The following RPA3 variants were observed in gnomAD, a reference collection of about 807,000 sequenced individuals.
RPA3 encodes the protein replication protein A 14 kDa subunit.
In RPA3, 24 loss-of-function variants were observed where a neutral mutation model predicts 13.7. The ratio of observed to expected loss-of-function variants is 1.75; its 90% CI spans 1.27 to 2.46. RPA3 has a LOEUF of 2.46. Ranked by LOEUF, RPA3 falls within the 30% of genes most tolerant of loss-of-function variation. The pLI, the probability that RPA3 is intolerant of heterozygous loss-of-function variation, is 0.00. For synonymous variants in RPA3, 59 were observed against 51.2 expected (o/e 1.15, Z -0.65); for missense variants, 183 against 151.0 (o/e 1.21, Z -1.11).
At position 7,714,616 on chromosome 7, in the gene RPA3, T is replaced by C. The variant is rs566489580; in HGVS notation, c.-1028+559A>G. On this transcript the variant is annotated intron_variant, in intron 2 of 7. Coordinates refer to ENST00000223129, the MANE Select transcript of RPA3 (RefSeq NM_002947.5). ...TAAATATCTTTAAATTCTCATTTGC[T>C]TTAAAACAGTTGGAGGTTGTGTACA... Among the ~76,000 whole-genome samples, 6 of 152,312 alleles carry C rather than the reference T, an allele frequency of 3.9e-5. No homozygotes were observed. The South Asian group carries it at 1.2e-3, about 32-fold the overall frequency.
At chr7:7,716,667 C>T (rs1780912724) in intron 1 of RPA3, among the ~76,000 whole-genome samples, 1 of 152,218 alleles carries the variant, frequency 6.6e-6, no homozygotes, top group East Asian at 1.9e-4. Context: ...GCCGGCGCGG[C>T]CGGCGCGGTG....
Position 7,679,845 on chromosome 7 carries a change from G to A in RPA3, c.-758+5985C>T, listed in dbSNP as rs866134226. On this transcript the variant is annotated intron_variant, in intron 4 of 7. Coordinates refer to ENST00000223129, the MANE Select transcript of RPA3 (RefSeq NM_002947.5). The stretch of plus-strand genomic sequence containing the variant: ...CTCCCAAAGTGCTGGGATTACAGGC[G>A]TGAGCTGCTATGCCTGGCCTGCCCA... Among the ~76,000 whole-genome samples the A allele has an allele frequency of 2.0e-5, 3 of 151,282 alleles. No homozygotes were observed. The Admixed American group carries it at 2.0e-4, about 10-fold the overall frequency.
chr7:7,714,644 G>A (rs989612308), intron 2 of RPA3, among the ~76,000 whole-genome samples: 1 of 152,040 alleles, frequency 6.6e-6, no homozygotes, highest in Non-Finnish European at 1.5e-5. Flanking sequence ...TGTGTACAAT[G>A]TATTATATGT....
intron 4 of RPA3, among the ~76,000 whole-genome samples, chr7:7,669,329 C>T (rs904340969): frequency 8.5e-5 from 13 of 152,212 alleles, no homozygotes; most frequent in Admixed American, 3.9e-4. Context: ...TTCCCCTTCG[C>T]CTTTCCAGTT....
In RPA3 at chr7:7,640,408, A is replaced by C; in HGVS notation, c.11T>G (p.Met4Arg). The change falls in exon 5 of 8, where the codon ATG (methionine) becomes AGG (arginine). Residue 4 changes from methionine (M) to arginine (R), a missense_variant. Met to Arg is a moderately conservative substitution (Grantham distance 91). Coordinates refer to ENST00000223129, the MANE Select transcript of RPA3 (RefSeq NM_002947.5). MVD[M>R]MDLPRSRINA... The stretch of plus-strand genomic sequence containing the variant: ...GATGCGCGACCTGGGCAAGTCCATC[A>C]TGTCCACCATGATTATGGTCCAAGA... The C allele has an allele frequency of 6.2e-7, 1 of 1,614,028 alleles. No homozygotes were observed. The highest frequency in any genetic ancestry group is 1.1e-5 in the South Asian group (1 of 91,082).
rs184474456 is a variant in RPA3, at chr7:7,667,926, C to T, written c.-758+17904G>A. On this transcript the variant is annotated intron_variant, in intron 4 of 7. Transcript: ENST00000223129. ...CAATACTTAACCTAGTTTTTCACTT[C>T]AGTTCTTTTTTGTTCATTTAACACA... Among the ~76,000 whole-genome samples, 14 of 152,138 alleles carry T rather than the reference C, an allele frequency of 9.2e-5. No homozygotes were observed. The East Asian group carries it at 2.7e-3, about 29-fold the overall frequency.
chr7:7,716,234 C>T (rs1780899130), intron 1 of RPA3, among the ~76,000 whole-genome samples: 1 of 152,082 alleles, frequency 6.6e-6, no homozygotes, highest in Non-Finnish European at 1.5e-5. Flanking sequence ...TATTGAATAA[C>T]AGCTTGAATC....
At chr7:7,717,137 A>G (rs141725241) in intron 1 of RPA3, among the ~76,000 whole-genome samples, 21,325 of 148,760 alleles carry the variant, frequency 0.14, 1,876 homozygotes, top group Middle Eastern at 0.2. Flanking sequence ...GCTCACTGCA[A>G]CCTCCGTCTC....
At chr7:7,671,345 T>A (rs375601788) in intron 4 of RPA3, among the ~76,000 whole-genome samples, 2 of 152,182 alleles carry the variant, frequency 1.3e-5, no homozygotes, top group Non-Finnish European at 2.9e-5. Flanking sequence ...AAGGCTTCAG[T>A]TGGAGACCCA....
intron 4 of RPA3, among the ~76,000 whole-genome samples, chr7:7,652,077 A>G (rs755219029): frequency 2.6e-5 from 4 of 152,196 alleles, no homozygotes; most frequent in Non-Finnish European, 2.9e-5. Flanking sequence ...GTCTCCATGC[A>G]GTGGGATGTC....
intron 4 of RPA3, among the ~76,000 whole-genome samples, chr7:7,656,942 AG>A (rs1785358055): frequency 6.6e-6 from 1 of 152,230 alleles, no homozygotes; most frequent in African/African-American, 2.4e-5. Context: ...CAGTGTTAAA[AG>A]CCTTCCTATT....
At chr7:7,644,463 T>C (rs1194727710) in intron 4 of RPA3, among the ~76,000 whole-genome samples, 1 of 152,162 alleles carries the variant, frequency 6.6e-6, no homozygotes, top group Non-Finnish European at 1.5e-5. Context: ...AATTCTTTGA[T>C]ACATCGTACT....
At chr7:7,644,822 T>C (rs1359741801) in intron 4 of RPA3, among the ~76,000 whole-genome samples, 1 of 152,226 alleles carries the variant, frequency 6.6e-6, no homozygotes, top group Non-Finnish European at 1.5e-5. Flanking sequence ...TGCTCTTCTG[T>C]ATAGAATGTA....
At chr7:7,664,592 T>C (rs1462283271) in intron 4 of RPA3, among the ~76,000 whole-genome samples, 1 of 152,238 alleles carries the variant, frequency 6.6e-6, no homozygotes, top group African/African-American at 2.4e-5. Context: ...CCCACTATGC[T>C]TTTTGTTCAT....
Position 7,667,903 on chromosome 7 carries a change from A to G in RPA3, c.-758+17927T>C, listed in dbSNP as rs28916012. Among the ~76,000 whole-genome samples the G allele has an allele frequency of 2.4e-4, 36 of 152,222 alleles. No individual in the cohort carries two copies. The East Asian group carries it at 6.8e-3, about 29-fold the overall frequency. Reference sequence around the variant, plus strand: ...CTACTAGCTATGTAAACTTGGACCAATACTTAACCTAGTTTTTCACTTCAG... The same window carrying G: ...CTACTAGCTATGTAAACTTGGACCAGTACTTAACCTAGTTTTTCACTTCAG... On this transcript the variant is annotated intron_variant, in intron 4 of 7. Coordinates refer to ENST00000223129, the MANE Select transcript of RPA3 (RefSeq NM_002947.5).
At chr7:7,695,777 G>A (rs1307136794) in intron 2 of RPA3, among the ~76,000 whole-genome samples, 1 of 152,162 alleles carries the variant, frequency 6.6e-6, no homozygotes, top group African/African-American at 2.4e-5. Context: ...CTGTCAATGT[G>A]TCACCTTTAG....
At chr7:7,705,615 G>C (rs1376406760) in intron 2 of RPA3, among the ~76,000 whole-genome samples, 1 of 152,128 alleles carries the variant, frequency 6.6e-6, no homozygotes, top group African/African-American at 2.4e-5. Context: ...TAATGAATTA[G>C]AGTTCAAGAT....
At chr7:7,672,244 C>G (rs1779624488) in intron 4 of RPA3, among the ~76,000 whole-genome samples, 1 of 152,148 alleles carries the variant, frequency 6.6e-6, no homozygotes, top group South Asian at 2.1e-4. Context: ...CCTCAGAATC[C>G]TATGTGTCCT....
At chr7:7,649,123 A>G (rs1348340645) in intron 4 of RPA3, among the ~76,000 whole-genome samples, 2 of 141,792 alleles carry the variant, frequency 1.4e-5, no homozygotes, top group Admixed American at 1.6e-4. Context: ...GTGCCACTGC[A>G]CTCCAGCCCG....
Sources: gnomAD v4.1 joint callset for allele counts (sites outside exome capture counted in the v4.1 genomes callset) on GRCh38, gnomAD v4.1.1 for gene constraint, MANE v1.5 for transcripts, NCBI Gene and HGNC (gene_info 2026-07-23, HGNC 2026-07-21) for gene names.